GRIK3: variants seen among roughly 807,000 people sequenced by gnomAD.
The protein encoded by GRIK3 is glutamate ionotropic receptor kainate type subunit 3.
A neutral mutation model predicts 102.5 loss-of-function variants in GRIK3; 29 were observed. That is an observed-to-expected ratio of 0.28 (90% CI 0.21 to 0.39). GRIK3 has a LOEUF of 0.39. Among genes scored for constraint, GRIK3 ranks in the 10% least tolerant of loss-of-function variants. GRIK3 has a pLI of 1.00. For synonymous variants in GRIK3, 511 were observed against 504.9 expected, an observed-to-expected ratio of 1.01 and a Z score of -0.16; for missense variants, 908 against 1,252.4, an observed-to-expected ratio of 0.73 and a Z score of 4.15.
In GRIK3 at chr1:36,805,225, C is replaced by T. The variant is rs1570734180; in HGVS notation, c.2327G>A (p.Arg776Gln). Residue 776 changes from arginine to glutamine, a missense_variant, in exon 15 of 16, where the codon CGG becomes CAG. Around this residue, in one of 3 missense-constraint regions of GRIK3, gnomAD observed 297 missense variants for 362.7 expected, o/e 0.82. Transcript: ENST00000373091. ...GIGTPMGSPY[R>Q]DKITIAILQL... ...CAGGATGGCGATGGTGATCTTGTCC[C>T]GGTATGGGGAGCCTGAGCAGGGAGA... 1.9e-6 allele frequency: 3 copies of T among 1,610,292 alleles called. No individual in the cohort carries two copies. The highest frequency in any genetic ancestry group is 2.5e-6 in the Non-Finnish European group (3 of 1,177,712).
At chr1:37,013,640 C>T (rs1642621783) in intron 1 of GRIK3, among the ~76,000 whole-genome samples, 1 of 152,234 alleles carries the variant, frequency 6.6e-6, no homozygotes, top group South Asian at 2.1e-4. Context: ...CCGTGCAATG[C>T]TGGATCCTCC....
At chr1:36,854,427 T>G in intron 7 of GRIK3, among the ~76,000 whole-genome samples, 1 of 152,188 alleles carries the variant, frequency 6.6e-6, no homozygotes, top group Non-Finnish European at 1.5e-5. Context: ...GTAGCTTTTT[T>G]GTCATTTTTG....
intron 14 of GRIK3, 28 bp from the exon 15 acceptor site, chr1:36,805,265 A>C: frequency 6.3e-7 from 1 of 1,581,818 alleles, no homozygotes; most frequent in Non-Finnish European, 8.6e-7. Flanking sequence ...ACCCCTAGCC[A>C]TCAGTGGCGT....
At chr1:36,846,625 C>A (rs921155812) in intron 9 of GRIK3, among the ~76,000 whole-genome samples, 1 of 152,162 alleles carries the variant, frequency 6.6e-6, no homozygotes, top group Non-Finnish European at 1.5e-5. Context: ...GGTGCTGGCC[C>A]TACATTCAGG....
chr1:36,940,645 C>T (rs79400830), intron 1 of GRIK3, among the ~76,000 whole-genome samples: 2,650 of 152,268 alleles, frequency 0.017, 74 homozygotes, highest in African/African-American at 0.061. Flanking sequence ...GGGCACTGCC[C>T]AGCATCTGAG....
intron 9 of GRIK3, among the ~76,000 whole-genome samples, chr1:36,843,403 C>T (rs1640483724): frequency 6.6e-6 from 1 of 152,176 alleles, no homozygotes; most frequent in Non-Finnish European, 1.5e-5. Context: ...TGACTTAAGC[C>T]TCACTAGCTT....
At chr1:37,013,917 A>G (rs994928083) in intron 1 of GRIK3, among the ~76,000 whole-genome samples, 3 of 152,202 alleles carry the variant, frequency 2.0e-5, no homozygotes, top group African/African-American at 7.2e-5. Flanking sequence ...GCCCACCCTC[A>G]TCGAATGCCT....
At chr1:36,919,509 G>C (rs1641443632) in intron 1 of GRIK3, among the ~76,000 whole-genome samples, 1 of 152,184 alleles carries the variant, frequency 6.6e-6, no homozygotes, top group African/African-American at 2.4e-5. Flanking sequence ...CTGACATGCA[G>C]AGGGAGCAGC....
chr1:36,952,255 A>G (rs961609786), intron 1 of GRIK3, among the ~76,000 whole-genome samples: 1 of 152,124 alleles, frequency 6.6e-6, no homozygotes, highest in East Asian at 1.9e-4. Flanking sequence ...AGGGCCCACG[A>G]TGTCCGTTAG....
chr1:36,860,780 T>C (rs934567999), intron 5 of GRIK3, among the ~76,000 whole-genome samples: 2 of 152,258 alleles, frequency 1.3e-5, no homozygotes, highest in Admixed American at 1.3e-4. Context: ...GCAGAGGACG[T>C]GGCAGGTGGG....
At chr1:36,903,103 TC>T (rs1202404167) in intron 1 of GRIK3, among the ~76,000 whole-genome samples, 5 of 152,088 alleles carry the variant, frequency 3.3e-5, no homozygotes, top group Non-Finnish European at 5.9e-5. Flanking sequence ...TGGACTATTA[TC>T]CAACATATGC....
chr1:36,996,343 G>A (rs1642419680), intron 1 of GRIK3, among the ~76,000 whole-genome samples: 2 of 152,210 alleles, frequency 1.3e-5, no homozygotes, highest in Non-Finnish European at 1.5e-5. Context: ...AGGCTTATGG[G>A]TAGCAGCTCA....
intron 1 of GRIK3, among the ~76,000 whole-genome samples, chr1:36,943,274 G>A (rs896480234): frequency 6.6e-6 from 1 of 152,150 alleles, no homozygotes; most frequent in Admixed American, 6.5e-5. Flanking sequence ...AGAAGCATGT[G>A]GCTGCAACTC....
chr1:37,004,267 C>G (rs1642508942), intron 1 of GRIK3, among the ~76,000 whole-genome samples: 1 of 152,180 alleles, frequency 6.6e-6, no homozygotes, highest in African/African-American at 2.4e-5. Context: ...ATGTCCTTAT[C>G]TATAAAGCAG....
At chr1:36,952,942 A>G (rs1444775862) in intron 1 of GRIK3, among the ~76,000 whole-genome samples, 2 of 152,198 alleles carry the variant, frequency 1.3e-5, no homozygotes, top group Non-Finnish European at 1.5e-5. Flanking sequence ...CAACACTTGT[A>G]CAAGGCAGCT....
At chr1:36,879,159 C>A (rs1190555129) in intron 3 of GRIK3, among the ~76,000 whole-genome samples, 1 of 151,914 alleles carries the variant, frequency 6.6e-6, no homozygotes, top group African/African-American at 2.4e-5. Flanking sequence ...CTATGTTGTC[C>A]CGTTTGTGTT....
chr1:36,899,541 CT>C (rs1210239398), intron 1 of GRIK3, among the ~76,000 whole-genome samples: 15 of 152,082 alleles, frequency 9.9e-5, no homozygotes, highest in African/African-American at 3.4e-4. Context: ...TGAAGTTATT[CT>C]TTATGGATAT....
rs564554443 is a variant in GRIK3, at chr1:36,880,005, T to C, written c.550+629A>G. Among the ~76,000 whole-genome samples the C allele has an allele frequency of 6.6e-6, 1 of 152,210 alleles. No homozygotes were observed. Among genetic ancestry groups the C allele is most frequent in the South Asian group, 2.1e-4 (1 of 4,816 alleles). ...GTGAGTGTGGGTAGAGAAGAGTGTG[T>C]GTGTGGCGGGTGAAGGTGTGAGGAG... On this transcript the variant is annotated intron_variant, in intron 3 of 15. Coordinates refer to ENST00000373091, the MANE Select transcript of GRIK3 (RefSeq NM_000831.4). The surrounding 1 kb of genome is among the most constrained non-coding windows in gnomAD (Gnocchi z 5.4).
At chr1:37,026,936 A>G (rs1180673049) in intron 1 of GRIK3, among the ~76,000 whole-genome samples, 1 of 152,132 alleles carries the variant, frequency 6.6e-6, no homozygotes, top group African/African-American at 2.4e-5. Flanking sequence ...TCAATGAAAT[A>G]TATTATTGAC....
Sources: allele counts gnomAD v4.1 joint callset (sites outside exome capture counted in the v4.1 genomes callset), GRCh38; gene constraint gnomAD v4.1.1; regional missense constraint gnomAD v4.1.1; non-coding constraint Gnocchi (gnomAD v3.1); transcripts MANE v1.5; gene names NCBI Gene and HGNC (gene_info 2026-07-23, HGNC 2026-07-21).